Variants in ZNF33B observed in about 807,000 individuals in gnomAD.
ZNF33B encodes zinc finger protein 33B, also known as zinc finger protein 11b (KOX 2).
A neutral mutation model predicts 45.8 loss-of-function variants in ZNF33B; 29 were observed. The ratio of observed to expected loss-of-function variants is 0.63; its 90% CI spans 0.47 to 0.86. The LOEUF (loss-of-function observed/expected upper bound fraction) is 0.86. Among genes scored for constraint, ZNF33B ranks in the 40% least tolerant of loss-of-function variants. ZNF33B has a pLI of 0.00. For missense variants in ZNF33B, 831 were observed against 909.9 expected, an observed-to-expected ratio of 0.91 and a Z score of 1.12; for synonymous variants, 305 against 307.8, an observed-to-expected ratio of 0.99 and a Z score of 0.10.
chr10:42,575,887 G>A (rs1326073437), intron 1 of ZNF33B, among the ~76,000 whole-genome samples: 6 of 149,542 alleles, frequency 4.0e-5, no homozygotes, highest in Admixed American at 2.7e-4. Flanking sequence ...GCGCCACCAC[G>A]CCTGGCTAAT....
chr10:42,620,782 A>C (rs1424763136), intron 4 of ZNF33B, among the ~76,000 whole-genome samples: 1 of 152,120 alleles, frequency 6.6e-6, no homozygotes, highest in Non-Finnish European at 1.5e-5. Flanking sequence ...ATTAAAACTG[A>C]AAGGCTGATA....
intron 2 of ZNF33B, among the ~76,000 whole-genome samples, chr10:42,636,570 C>T (rs1331443887): frequency 1.3e-5 from 2 of 152,160 alleles, no homozygotes; most frequent in Admixed American, 1.3e-4. Flanking sequence ...ACTTGTAATC[C>T]CAACACTTTG....
At chr10:42,584,709 C>G (rs1370856862), downstream of ZNF33B, among the ~76,000 whole-genome samples, 1 of 152,128 alleles carries the variant, frequency 6.6e-6, no homozygotes, top group Non-Finnish European at 1.5e-5. Context: ...TTAGTAGAGA[C>G]AGGGTTTTAC....
intron 2 of ZNF33B, among the ~76,000 whole-genome samples, chr10:42,635,042 T>C (rs1589078149): frequency 6.6e-6 from 1 of 151,858 alleles, no homozygotes; most frequent in Non-Finnish European, 1.5e-5. Flanking sequence ...AGGCCAGGAG[T>C]TTGAGACCAG....
At chr10:42,578,522 C>G (rs1020425339) in intron 1 of ZNF33B, 1 of 152,736 alleles carries the variant, frequency 6.5e-6, no homozygotes, top group Non-Finnish European at 1.5e-5. Context: ...GGAGTCTCAG[C>G]CAAGCTCACC....
At chr10:42,611,669 G>A (rs1838101163) in intron 4 of ZNF33B, among the ~76,000 whole-genome samples, 1 of 152,168 alleles carries the variant, frequency 6.6e-6, no homozygotes, top group African/African-American at 2.4e-5. Context: ...ACCCACAAAT[G>A]GGAGAAAAAT....
chr10:42,598,379 T>C (rs1262177392), intron 4 of ZNF33B, among the ~76,000 whole-genome samples: 1 of 151,878 alleles, frequency 6.6e-6, no homozygotes, highest in Non-Finnish European at 1.5e-5. Flanking sequence ...TTCATGAGTT[T>C]GCTGCTGCTG....
At chr10:42,611,727 A>G (rs1838103289) in intron 4 of ZNF33B, among the ~76,000 whole-genome samples, 1 of 152,336 alleles carries the variant, frequency 6.6e-6, no homozygotes, top group East Asian at 1.9e-4. Context: ...AGAATATGTA[A>G]AACACTCTTA....
chr10:42,603,720 A>AGTAGCGGCTATCAGCAAAGT (rs1329384228), intron 4 of ZNF33B, among the ~76,000 whole-genome samples: 1 of 152,218 alleles, frequency 6.6e-6, no homozygotes, highest in African/African-American at 2.4e-5. Context: ...GTCAGCAATC[A>AGTAGCGGCTATCAGCAAAGT]GTAGCGGCTA....
downstream of ZNF33B, among the ~76,000 whole-genome samples, chr10:42,585,642 A>G (rs1355294284): frequency 6.6e-6 from 1 of 152,262 alleles, no homozygotes; most frequent in Non-Finnish European, 1.5e-5. Flanking sequence ...ATGTAGACAG[A>G]GAACATGACA....
chr10:42,636,825 G>GTCAC, intron 2 of ZNF33B, 95 bp downstream of exon 2: 2 of 1,569,058 alleles, frequency 1.3e-6, no homozygotes. Context: ...GAGACTCCAT[G>GTCAC]TCACAAACAA....
intron 2 of ZNF33B, among the ~76,000 whole-genome samples, chr10:42,635,244 A>C (rs1159812670): frequency 3.3e-5 from 5 of 152,036 alleles, no homozygotes; most frequent in African/African-American, 1.2e-4. Flanking sequence ...TTCTCCAAAA[A>C]AAAAAAAAAA....
At chr10:42,603,471 C>T (rs539758673) in intron 4 of ZNF33B, among the ~76,000 whole-genome samples, 1 of 152,306 alleles carries the variant, frequency 6.6e-6, no homozygotes, top group African/African-American at 2.4e-5. Context: ...TAAGAAGAGA[C>T]ATCCAGGGCA....
chr10:42,604,657 A>T (rs1837763864), intron 4 of ZNF33B, among the ~76,000 whole-genome samples: 2 of 152,198 alleles, frequency 1.3e-5, no homozygotes, highest in South Asian at 4.1e-4. Flanking sequence ...TCACGCCTGT[A>T]ATCCCAGCAC....
intron 4 of ZNF33B, among the ~76,000 whole-genome samples, chr10:42,615,584 T>C (rs1357138529): frequency 6.6e-6 from 1 of 152,160 alleles, no homozygotes; most frequent in African/African-American, 2.4e-5. Flanking sequence ...AGAAAGTAAT[T>C]GCTAATGGAT....
intron 4 of ZNF33B, among the ~76,000 whole-genome samples, chr10:42,609,626 C>T (rs1021548970): frequency 6.6e-6 from 1 of 152,050 alleles, no homozygotes; most frequent in African/African-American, 2.4e-5. Flanking sequence ...GAAAAAACTA[C>T]AAATGCATGT....
chr10:42,621,159 CAA>C (rs34634412), intron 4 of ZNF33B, among the ~76,000 whole-genome samples: 26,198 of 126,704 alleles, frequency 0.21, 2,685 homozygotes, highest in Non-Finnish European at 0.26. Context: ...CTGTTTCCAC[CAA>C]AAAAAAAAAA....
chr10:42,624,139 T>A (rs1386036411), intron 4 of ZNF33B, among the ~76,000 whole-genome samples: 2 of 152,054 alleles, frequency 1.3e-5, no homozygotes, highest in African/African-American at 4.8e-5. Context: ...GTGAGGAAGC[T>A]CTCACTTCCT....
intron 4 of ZNF33B, among the ~76,000 whole-genome samples, chr10:42,618,945 G>A (rs547214514): frequency 6.6e-6 from 1 of 152,154 alleles, no homozygotes; most frequent in South Asian, 2.1e-4. Flanking sequence ...CAACTAAAAT[G>A]GCAGTTATTA....
Sources: gnomAD v4.1 joint callset for allele counts (sites outside exome capture counted in the v4.1 genomes callset) on GRCh38, gnomAD v4.1.1 for gene constraint, MANE v1.5 for transcripts, NCBI Gene and HGNC (gene_info 2026-07-23, HGNC 2026-07-21) for gene names.